Variants in CTNNA3 observed in about 807,000 individuals in gnomAD.
CTNNA3 encodes catenin alpha 3.
CTNNA3 carries 76 observed loss-of-function variants against 95.7 expected under a neutral mutation model. That is an observed-to-expected ratio of 0.79 (90% CI 0.66 to 0.96). The LOEUF is 0.96. Among genes scored for constraint, CTNNA3 ranks in the 40% least tolerant of loss-of-function variants. CTNNA3 has a pLI of 0.00. For missense variants in CTNNA3, 1,191 were observed against 1,089.8 expected (o/e 1.09, Z -1.31); for synonymous variants, 431 against 374.4 (o/e 1.15, Z -1.74).
intron 3 of CTNNA3, among the ~76,000 whole-genome samples, chr10:67,579,878 T>G (rs1360317953): frequency 6.6e-6 from 1 of 152,252 alleles, no homozygotes; most frequent in African/African-American, 2.4e-5. Flanking sequence ...GTTCATATCC[T>G]TCGCCCATTT....
intron 7 of CTNNA3, among the ~76,000 whole-genome samples, chr10:67,135,252 T>C (rs7475535): frequency 0.6 from 91,839 of 151,990 alleles, 28,376 homozygotes; most frequent in Middle Eastern, 0.74. Context: ...GTGGTACTAA[T>C]TTCATGTGTT....
intron 5 of CTNNA3, among the ~76,000 whole-genome samples, chr10:67,274,153 AAG>A (rs146856310): frequency 0.021 from 3,209 of 152,298 alleles, 115 homozygotes; most frequent in African/African-American, 0.07. Flanking sequence ...AAACTGAACA[AAG>A]AGATTCTCAC....
intron 6 of CTNNA3, among the ~76,000 whole-genome samples, chr10:67,192,318 A>T (rs998107271): frequency 1.3e-5 from 2 of 151,970 alleles, no homozygotes; most frequent in Non-Finnish European, 2.9e-5. Flanking sequence ...GGCAACACAC[A>T]GAAAGAATGG....
rs1003319248 is a variant in CTNNA3, at chr10:66,563,683, T to C, written c.1375-42910A>G. On this transcript the variant is annotated intron_variant, in intron 10 of 17. Transcript: ENST00000433211. ...AAGGTCTACATACCCCCCTCACAAT[T>C]TGCCCACAAGGAAATTCCTTGTGGA... Among the ~76,000 whole-genome samples the C allele has an allele frequency of 1.8e-4, 28 of 151,926 alleles. 3 individuals are homozygous for C. Among genetic ancestry groups the C allele is most frequent in the East Asian group, 1.9e-4 (1 of 5,148 alleles).
intron 13 of CTNNA3, among the ~76,000 whole-genome samples, chr10:66,169,667 C>A (rs188491884): frequency 1.3e-5 from 2 of 152,262 alleles, no homozygotes; most frequent in East Asian, 3.9e-4. Context: ...CTTTTCACTG[C>A]ATCCATGCCA....
intron 13 of CTNNA3, among the ~76,000 whole-genome samples, chr10:66,241,236 T>C (rs2090090952): frequency 6.6e-6 from 1 of 152,196 alleles, no homozygotes; most frequent in African/African-American, 2.4e-5. Flanking sequence ...ATGAAATGTA[T>C]CACTGTTGAT....
intron 5 of CTNNA3, among the ~76,000 whole-genome samples, chr10:67,273,313 T>C (rs1839060170): frequency 6.6e-6 from 1 of 152,104 alleles, no homozygotes; most frequent in African/African-American, 2.4e-5. Context: ...AAAACTATGT[T>C]AACAGACACT....
chr10:66,119,338 T>C (rs935238855), intron 13 of CTNNA3, among the ~76,000 whole-genome samples: 6 of 152,170 alleles, frequency 3.9e-5, no homozygotes, highest in South Asian at 2.1e-4. Flanking sequence ...TAAGATGAAA[T>C]TGTTAAATTT....
At chr10:66,679,260 A>G (rs990656351) in intron 9 of CTNNA3, among the ~76,000 whole-genome samples, 7 of 152,232 alleles carry the variant, frequency 4.6e-5, no homozygotes, top group Non-Finnish European at 8.8e-5. Flanking sequence ...ATTACTGGCT[A>G]TGAATCATGG....
At chr10:67,342,610 T>C (rs1319097890) in intron 5 of CTNNA3, among the ~76,000 whole-genome samples, 1 of 152,212 alleles carries the variant, frequency 6.6e-6, no homozygotes, top group East Asian at 1.9e-4. Flanking sequence ...TGATTTGATT[T>C]TTGTATATGG....
At chr10:67,189,606 A>G (rs1024492985) in intron 6 of CTNNA3, among the ~76,000 whole-genome samples, 5 of 138,296 alleles carry the variant, frequency 3.6e-5, no homozygotes, top group Non-Finnish European at 6.3e-5. Context: ...TCACTAATTT[A>G]AAAAATTTTA....
intron 9 of CTNNA3, among the ~76,000 whole-genome samples, chr10:66,697,427 T>G (rs1015069996): frequency 4.0e-5 from 6 of 151,592 alleles, no homozygotes; most frequent in Admixed American, 6.6e-5. Flanking sequence ...GGAAAAAAAT[T>G]TATATACACA....
chr10:66,226,035 G>A (rs2089269563), intron 13 of CTNNA3, among the ~76,000 whole-genome samples: 1 of 152,010 alleles, frequency 6.6e-6, no homozygotes, highest in Non-Finnish European at 1.5e-5. Context: ...TCTTCACTCT[G>A]TTGTTTCCTT....
At chr10:66,692,490 T>A (rs1405293827) in intron 9 of CTNNA3, among the ~76,000 whole-genome samples, 7 of 152,138 alleles carry the variant, frequency 4.6e-5, no homozygotes, top group African/African-American at 1.7e-4. Flanking sequence ...ATCTGATTGG[T>A]GTACCTGAAA....
rs73264213 is a variant in CTNNA3 at position 67,210,678 on chromosome 10, T to C, written c.843+8929A>G. Among the ~76,000 whole-genome samples the C allele has an allele frequency of 6.8e-3, 1,025 of 151,296 alleles. 7 individuals are homozygous for C. Among genetic ancestry groups the C allele is most frequent in the South Asian group, 0.018 (87 of 4,786 alleles). ...TCCATAGCTATTTGAAAGATATGCG[T>C]CCTCTGTTGCATGTGAAGTTCTATA... On this transcript the variant is annotated intron_variant, in intron 6 of 17. Transcript: ENST00000433211.
intron 7 of CTNNA3, among the ~76,000 whole-genome samples, chr10:67,129,992 A>T (rs1364374714): frequency 6.6e-6 from 1 of 152,152 alleles, no homozygotes; most frequent in Non-Finnish European, 1.5e-5. Flanking sequence ...ATATTTTCTG[A>T]TATATAAAAT....
chr10:66,685,520 C>T (rs1847264996), intron 9 of CTNNA3, among the ~76,000 whole-genome samples: 1 of 148,620 alleles, frequency 6.7e-6, no homozygotes, highest in Admixed American at 6.7e-5. Context: ...CTACAGGCAC[C>T]CGCCACCACG....
chr10:67,154,152 A>G (rs1165828773), intron 7 of CTNNA3, among the ~76,000 whole-genome samples: 1 of 152,168 alleles, frequency 6.6e-6, no homozygotes, highest in Non-Finnish European at 1.5e-5. Context: ...TATACATATT[A>G]TAAGTTAATT....
At position 67,750,548 on chromosome 10, in the gene CTNNA3, G is replaced by T. The variant is rs535392851; in HGVS notation, c.-2+12886C>A. On this transcript the variant is annotated intron_variant, in intron 1 of 17. Coordinates refer to the CTNNA3 transcript ENST00000684154. ...GCCCACTTTCTTTGAGAGACCCCTT[G>T]TGAGGAAAGCCTTTGAGAAGACCCT... The T allele has an allele frequency of 2.3e-4, 359 of 1,578,532 alleles. 3 individuals are homozygous for T. The African/African-American group carries it at 4.4e-3, about 19-fold the overall frequency.
Sources: gnomAD v4.1 joint callset for allele counts (sites outside exome capture counted in the v4.1 genomes callset) on GRCh38, gnomAD v4.1.1 for gene constraint, MANE v1.5 for transcripts, NCBI Gene and HGNC (gene_info 2026-07-23, HGNC 2026-07-21) for gene names.